Variants in NF2 observed in about 807,000 individuals in gnomAD.
The protein encoded by NF2 is merlin.
Under a neutral mutation model 83.7 loss-of-function variants are expected in NF2, and 8 were observed. That is an observed-to-expected ratio of 0.10 (90% CI 0.06 to 0.17). The LOEUF is 0.17. Ranked by LOEUF, NF2 falls within the 10% of genes least tolerant of loss-of-function variation. NF2 has a pLI of 1.00. For missense variants in NF2, 533 were observed against 744.4 expected (o/e 0.72, Z 3.31); for synonymous variants, 266 against 269.6 (o/e 0.99, Z 0.13).
Position 29,674,920 on chromosome 22 carries a change from T to A in NF2, c.1425T>A (p.Ile475=), listed in dbSNP as rs774818801. 14 of 1,571,348 alleles carry A rather than the reference T, an allele frequency of 8.9e-6. No homozygotes were observed. The highest frequency in any genetic ancestry group is 1.2e-5 in the Non-Finnish European group (14 of 1,157,614). The change falls in exon 13 of 16, where the codon ATT becomes ATA. Residue 475 remains isoleucine (I), a synonymous_variant. Coordinates refer to ENST00000338641, the MANE Select transcript of NF2 (RefSeq NM_000268.4). ...GAGCCAAGCAGAAGCTCCTGGAGAT[T>A]GCCACCAAGCCCACGTACCCGGTGA... ...ERRAKQKLLE[I]ATKPTYPPMN...
At chr22:29,676,340 A>AT (rs998134865) in intron 13 of NF2, among the ~76,000 whole-genome samples, 18 of 147,502 alleles carry the variant, frequency 1.2e-4, no homozygotes, top group South Asian at 2.2e-4. Flanking sequence ...CGCCCAGCTA[A>AT]TTTTTTTTTT....
chr22:29,695,896 G>C lies in NF2; in HGVS notation c.*1094G>C. 4.3e-6 allele frequency: 1 copy of C among 233,434 alleles called. No homozygotes were observed. The highest frequency in any genetic ancestry group is 8.5e-6 in the Non-Finnish European group (1 of 118,216). The allele number at this position is 233,434 out of a possible 1,614,324, so 14.5% of individuals were successfully genotyped here. A position where few individuals can be genotyped will look rare whatever the true frequency, so the allele number is the denominator to read the frequency against. On this transcript the variant is annotated 3_prime_UTR_variant, in exon 16 of 16. Coordinates refer to ENST00000338641, the MANE Select transcript of NF2 (RefSeq NM_000268.4). The surrounding 1 kb of genome is among the most constrained non-coding windows in gnomAD (Gnocchi z 5.4). ...GCCCTGAATTTTCTGTTCCCTGGGGGCCAGCCAGGGCCCTTTGTGCCCCTC... is the reference window on the plus strand; with the variant it reads ...GCCCTGAATTTTCTGTTCCCTGGGGCCCAGCCAGGGCCCTTTGTGCCCCTC...
intron 4 of NF2, among the ~76,000 whole-genome samples, chr22:29,646,121 C>G (rs1010411493): frequency 3.9e-5 from 6 of 152,224 alleles, no homozygotes; most frequent in Non-Finnish European, 8.8e-5. Flanking sequence ...TTTTGTGCGA[C>G]ACTCAGTGTA....
In NF2 at chr22:29,673,499, C is replaced by T. The variant is rs765944656; in HGVS notation, c.1340+13C>T. 20 of 1,600,266 alleles carry T rather than the reference C, an allele frequency of 1.2e-5. No individual in the cohort carries two copies. Among genetic ancestry groups the T allele is most frequent in the East Asian group, 6.7e-5 (3 of 44,468 alleles). ...AGTCAGAGAGGAGGTGAGGGGGCAC[C>T]GGGCACCAGACTGGCGAGGAGGCTG... On this transcript the variant is annotated intron_variant, in intron 12 of 15. Transcript: ENST00000338641.
chr22:29,650,861 T>C (rs1213699976), intron 4 of NF2, among the ~76,000 whole-genome samples: 1 of 152,146 alleles, frequency 6.6e-6, no homozygotes, highest in African/African-American at 2.4e-5. Flanking sequence ...CCTCGGCCTC[T>C]CAAAGTGCTG....
At chr22:29,612,884 T>C (rs1044417688) in intron 1 of NF2, among the ~76,000 whole-genome samples, 2 of 146,378 alleles carry the variant, frequency 1.4e-5, no homozygotes, top group African/African-American at 5.0e-5. Context: ...TCACCTGAGG[T>C]CAGGAGTTCA....
intron 1 of NF2, among the ~76,000 whole-genome samples, chr22:29,633,743 T>A (rs564551033): frequency 2.0e-5 from 3 of 152,224 alleles, no homozygotes; most frequent in East Asian, 1.9e-4. Context: ...GCATGACTTT[T>A]AAAAAAAGAC....
At chr22:29,620,715 A>G (rs1327182902) in intron 1 of NF2, among the ~76,000 whole-genome samples, 1 of 150,322 alleles carries the variant, frequency 6.7e-6, no homozygotes, top group Admixed American at 6.6e-5. Flanking sequence ...ACAGGGAGAG[A>G]CTCCGACTCC....
At chr22:29,643,826 G>T (rs1299875935) in intron 4 of NF2, among the ~76,000 whole-genome samples, 1 of 152,126 alleles carries the variant, frequency 6.6e-6, no homozygotes, top group Non-Finnish European at 1.5e-5. Context: ...AGACGGGGTG[G>T]TGGCCGGGCA....
At chr22:29,692,967 G>C (rs1329452613) in intron 15 of NF2, among the ~76,000 whole-genome samples, 1 of 152,242 alleles carries the variant, frequency 6.6e-6, no homozygotes, top group Non-Finnish European at 1.5e-5. Context: ...CAGCTGGTCA[G>C]TGGCCCAGCT....
chr22:29,688,861 C>T (rs1338163087), intron 15 of NF2, among the ~76,000 whole-genome samples: 3 of 152,202 alleles, frequency 2.0e-5, no homozygotes, highest in Non-Finnish European at 2.9e-5. Flanking sequence ...CATTTGGGTG[C>T]AGCTGTCCCT....
intron 8 of NF2, among the ~76,000 whole-genome samples, chr22:29,664,197 T>G (rs988470766): frequency 4.6e-5 from 7 of 152,146 alleles, no homozygotes; most frequent in African/African-American, 1.7e-4. Context: ...AGCCTCAAAC[T>G]CTTGGCCTCA....
chr22:29,618,546 T>C (rs1235989971), intron 1 of NF2, among the ~76,000 whole-genome samples: 1 of 152,230 alleles, frequency 6.6e-6, no homozygotes, highest in African/African-American at 2.4e-5. Context: ...CTTGAAAGAT[T>C]TGTTGTTTGT....
intron 14 of NF2, among the ~76,000 whole-genome samples, chr22:29,681,025 T>C (rs2067116718): frequency 6.6e-6 from 1 of 151,652 alleles, no homozygotes; most frequent in Non-Finnish European, 1.5e-5. Context: ...TACCAAGGGC[T>C]TTTCTACTCT....
intron 8 of NF2, among the ~76,000 whole-genome samples, chr22:29,662,275 G>A (rs1021437811): frequency 2.0e-5 from 3 of 152,114 alleles, no homozygotes; most frequent in Non-Finnish European, 4.4e-5. Flanking sequence ...ACAGACTACA[G>A]GCGTGTGCCA....
In NF2 at chr22:29,603,786, C is replaced by A; in HGVS notation, c.-213C>A. On this transcript the variant is annotated 5_prime_UTR_variant, in exon 1 of 16. Transcript: ENST00000338641. ...CCCGGCTCCTGTGCCCTCCCTGCAG[C>A]CGTCAGGGCCCGTCCCCCAACTCCC... is the stretch of plus-strand genomic sequence containing the variant. The A allele has an allele frequency of 1.8e-6, 1 of 555,814 alleles. No individual in the cohort carries two copies. Among genetic ancestry groups the A allele is most frequent in the Non-Finnish European group, 3.2e-6 (1 of 317,096 alleles). The allele number at this position is 555,814 out of a possible 1,614,324, so 34.4% of individuals were successfully genotyped here. A position where few individuals can be genotyped will look rare whatever the true frequency, so the allele number is the denominator to read the frequency against.
Position 29,678,972 on chromosome 22 carries a change from G to A in NF2, c.1574+649G>A, listed in dbSNP as rs145076254. Among the ~76,000 whole-genome samples the A allele has an allele frequency of 1.3e-3, 198 of 152,346 alleles. 3 individuals are homozygous for A. The South Asian group carries it at 0.015, about 11-fold the overall frequency. On this transcript the variant is annotated intron_variant, in intron 14 of 15. Transcript: ENST00000338641. ...AGGGCCCCTAGTTCCCAGAGCTAGCGGTAAGTTGGTTAACTGCTGCTGCTT... is the reference window on the plus strand; with the variant it reads ...AGGGCCCCTAGTTCCCAGAGCTAGCAGTAAGTTGGTTAACTGCTGCTGCTT...
chr22:29,692,200 T>C (rs1466426270), intron 15 of NF2, among the ~76,000 whole-genome samples: 2 of 152,194 alleles, frequency 1.3e-5, no homozygotes, highest in East Asian at 3.9e-4. Flanking sequence ...CCTTCCCCTC[T>C]GACCGCCTCA....
chr22:29,680,855 A>T (rs187262209), intron 14 of NF2, among the ~76,000 whole-genome samples: 4 of 72,798 alleles, frequency 5.5e-5, no homozygotes, highest in South Asian at 3.1e-4. Context: ...AGATCCTATA[A>T]AAAAAAAAAA....
Sources: gnomAD v4.1 joint callset for allele counts (sites outside exome capture counted in the v4.1 genomes callset) on GRCh38, gnomAD v4.1.1 for gene constraint, Gnocchi (gnomAD v3.1) non-coding constraint, MANE v1.5 for transcripts, NCBI Gene and HGNC (gene_info 2026-07-23, HGNC 2026-07-21) for gene names.